CUX1: variants seen among roughly 807,000 people sequenced by gnomAD.
CUX1 encodes cut like homeobox 1.
A neutral mutation model predicts 158.8 loss-of-function variants in CUX1; 31 were observed. The ratio of observed to expected loss-of-function variants is 0.20; its 90% CI spans 0.15 to 0.26. CUX1 has a LOEUF of 0.26. CUX1 is among the 10% of genes least tolerant of loss of function. CUX1 has a pLI of 1.00. For synonymous variants in CUX1, 879 were observed against 862.1 expected (o/e 1.02, Z -0.34); for missense variants, 1,589 against 2,014.6 (o/e 0.79, Z 4.04).
chr7:102,104,319 T>TC lies in CUX1; in HGVS notation c.407-17_407-16insC. 1 of 1,585,222 alleles carries TC rather than the reference T, an allele frequency of 6.3e-7. No homozygotes were observed. Among genetic ancestry groups the TC allele is most frequent in the Non-Finnish European group, 8.5e-7 (1 of 1,174,050 alleles). On this transcript the variant is annotated splice_polypyrimidine_tract_variant and intron_variant, in intron 5 of 23. Transcript: ENST00000292535. ...TATGCTTCTCTTACTGTAGGTTTTT[T>TC]TTTTTCTTTTCTGCAGAGGTTACGA...
chr7:101,824,916 C>T (rs140408297), intron 1 of CUX1, among the ~76,000 whole-genome samples: 1,907 of 152,266 alleles, frequency 0.013, 17 homozygotes, highest in South Asian at 0.022. Flanking sequence ...CTGTGGCTCC[C>T]GTCACCATTT....
rs565691647 is a variant in CUX1 at position 101,846,289 on chromosome 7, G to A, written c.30+28620G>A. Among the ~76,000 whole-genome samples, 6 of 151,976 alleles carry A rather than the reference G, an allele frequency of 3.9e-5. 1 individual carries two copies. Among genetic ancestry groups the A allele is most frequent in the Admixed American group, 2.6e-4 (4 of 15,250 alleles). On this transcript the variant is annotated intron_variant, in intron 1 of 23. Transcript: ENST00000292535. ...TCTGTGCATAAACAGGGGAGTTCCC[G>A]AGCCCTTTTCCAAGCCGCTTTTAAA...
At chr7:102,071,687 G>T (rs114992242) in intron 4 of CUX1, among the ~76,000 whole-genome samples, 17 of 152,126 alleles carry the variant, frequency 1.1e-4, no homozygotes, top group African/African-American at 4.1e-4. Flanking sequence ...TTCTGATTCA[G>T]GTCTACCACG....
At chr7:102,027,101 A>C (rs1316416304) in intron 2 of CUX1, among the ~76,000 whole-genome samples, 11 of 151,614 alleles carry the variant, frequency 7.3e-5, no homozygotes. Flanking sequence ...AATGGCAGCT[A>C]GGGCCGGCCA....
chr7:102,170,682 T>C (rs1400722023), intron 10 of CUX1, 132 bp downstream of exon 10: 4 of 639,820 alleles, frequency 6.3e-6, no homozygotes, highest in Non-Finnish European at 1.1e-5. Context: ...GCTTTCTCGG[T>C]GGGGTTTGCT....
intron 8 of CUX1, among the ~76,000 whole-genome samples, chr7:102,137,356 T>G (rs1480399758): frequency 3.9e-5 from 6 of 152,046 alleles, no homozygotes; most frequent in Non-Finnish European, 8.8e-5. Flanking sequence ...TAATGGCAGG[T>G]TGGGCGCGGT....
chr7:102,223,023 C>G (rs1041258110), intron 20 of CUX1, among the ~76,000 whole-genome samples: 1 of 151,014 alleles, frequency 6.6e-6, no homozygotes, highest in Admixed American at 6.6e-5. Context: ...AGGCTGGTCT[C>G]GAACTCCTGA....
At chr7:101,908,697 GACTTATGATTT>G (rs1803048226) in intron 1 of CUX1, among the ~76,000 whole-genome samples, 1 of 152,192 alleles carries the variant, frequency 6.6e-6, no homozygotes, top group Non-Finnish European at 1.5e-5. Flanking sequence ...AGTCAGGGTT[GACTTATGATTT>G]ACTTGAACCA....
At chr7:102,193,433 A>G (rs1794482127) in intron 12 of CUX1, among the ~76,000 whole-genome samples, 1 of 152,214 alleles carries the variant, frequency 6.6e-6, no homozygotes, top group Admixed American at 6.5e-5. Flanking sequence ...GGAAGTTGTT[A>G]AAGTTGACAG....
chr7:102,097,554 T>C (rs1425104323), intron 5 of CUX1, 53 bp downstream of exon 5: 2 of 1,527,512 alleles, frequency 1.3e-6, no homozygotes, highest in Non-Finnish European at 1.8e-6. Flanking sequence ...TTTTCTCTTC[T>C]TTTTATTTTA....
At position 102,254,677 on chromosome 7, in the gene CUX1, T is replaced by C. The variant is rs1400652421; in HGVS notation, c.*5635T>C. 1 of 985,324 alleles carries C rather than the reference T, an allele frequency of 1.0e-6. No homozygotes were observed. Among genetic ancestry groups the C allele is most frequent in the East Asian group, 1.1e-4 (1 of 8,824 alleles). 61.0% of individuals were successfully genotyped at this position (985,324 alleles called of 1,614,324 possible). The stretch of plus-strand genomic sequence containing the variant: ...TCACATTTAGAAAGCCCTCAGTGCT[T>C]CTGTGGTTTCACCTGGGCATCGACG... On this transcript the variant is annotated 3_prime_UTR_variant, in exon 24 of 24. Transcript: ENST00000292535.
chr7:101,821,062 A>G (rs1203018934), intron 1 of CUX1, among the ~76,000 whole-genome samples: 1 of 152,170 alleles, frequency 6.6e-6, no homozygotes, highest in Non-Finnish European at 1.5e-5. Context: ...CCGATAATGG[A>G]GTGAAAAAGG....
At chr7:101,845,215 G>A (rs956905098) in intron 1 of CUX1, among the ~76,000 whole-genome samples, 2 of 151,928 alleles carry the variant, frequency 1.3e-5, no homozygotes, top group Admixed American at 6.6e-5. Flanking sequence ...CAAACTCCTG[G>A]GCTCAAGCAG....
At position 102,029,938 on chromosome 7, in the gene CUX1, G is replaced by T. The variant is rs143084172; in HGVS notation, c.189+1793G>T. On this transcript the variant is annotated intron_variant, in intron 3 of 23. Transcript: ENST00000292535. ...AGTTCAGTGTGCTTTCTAGGTGTTTGCTTGTTTTTCTTTCTTATTGAAAAA... is the reference window on the plus strand; with the variant it reads ...AGTTCAGTGTGCTTTCTAGGTGTTTTCTTGTTTTTCTTTCTTATTGAAAAA... 2.6e-3 allele frequency among the ~76,000 whole-genome samples: 388 copies of T among 151,946 alleles called. 2 individuals are homozygous for T. The highest frequency in any genetic ancestry group is 9.0e-3 in the African/African-American group (375 of 41,460).
At chr7:102,220,569 A>C (rs1185365288) in intron 20 of CUX1, among the ~76,000 whole-genome samples, 1 of 152,114 alleles carries the variant, frequency 6.6e-6, no homozygotes, top group Non-Finnish European at 1.5e-5. Flanking sequence ...GTGTCTTCTG[A>C]AGCTGTCAGC....
chr7:101,904,714 G>A (rs527906000), intron 1 of CUX1, among the ~76,000 whole-genome samples: 6 of 151,836 alleles, frequency 4.0e-5, no homozygotes, highest in Admixed American at 1.3e-4. Context: ...GATTGCAGGC[G>A]CCCACCACCA....
In CUX1 at chr7:102,257,416, T is replaced by G; in HGVS notation, c.*8374T>G. The G allele has an allele frequency of 2.0e-6, 2 of 984,452 alleles. No individual in the cohort carries two copies. Among genetic ancestry groups the G allele is most frequent in the Non-Finnish European group, 2.4e-6 (2 of 829,740 alleles). 61.0% of individuals were successfully genotyped at this position (984,452 alleles called of 1,614,324 possible). On this transcript the variant is annotated 3_prime_UTR_variant, in exon 24 of 24. Transcript: ENST00000292535. ...ATCTCACGTACCCCCATCTGAGACC[T>G]CTTGGAAAAAAAAAATCCCGTGTAT...
At chr7:101,994,921 C>T (rs1293251775) in intron 2 of CUX1, among the ~76,000 whole-genome samples, 2 of 133,104 alleles carry the variant, frequency 1.5e-5, no homozygotes, top group Non-Finnish European at 3.2e-5. Context: ...AAGATCTCAT[C>T]TCTACAAAAA....
At chr7:102,028,263 T>C (rs1820281748) in intron 3 of CUX1, 118 bp downstream of exon 3, 7 of 1,023,160 alleles carry the variant, frequency 6.8e-6, no homozygotes, top group Admixed American at 2.2e-5. Context: ...CCTTCCCGGC[T>C]GCTCCGACCC....
Sources: allele counts gnomAD v4.1 joint callset (sites outside exome capture counted in the v4.1 genomes callset), GRCh38; gene constraint gnomAD v4.1.1; transcripts MANE v1.5; gene names NCBI Gene and HGNC (gene_info 2026-07-23, HGNC 2026-07-21).